The following XRCC4 variants were observed in gnomAD, a reference collection of about 807,000 sequenced individuals.
The protein encoded by XRCC4 is DNA repair protein XRCC4.
A neutral mutation model predicts 39.1 loss-of-function variants in XRCC4; 28 were observed. The observed-to-expected ratio is 0.72, with a 90% confidence interval of 0.53 to 0.98. The LOEUF is 0.98. Among genes scored for constraint, XRCC4 ranks in the 50% least tolerant of loss-of-function variants. The pLI is 0.00. For synonymous variants in XRCC4, 123 were observed against 126.4 expected (o/e 0.97, Z 0.18); for missense variants, 350 against 376.4 (o/e 0.93, Z 0.58).
At chr5:83,275,201 T>G (rs1754281747) in intron 7 of XRCC4, among the ~76,000 whole-genome samples, 1 of 152,006 alleles carries the variant, frequency 6.6e-6, no homozygotes, top group Non-Finnish European at 1.5e-5. Context: ...CTTGAAAAAC[T>G]GGGTAAATGG....
At chr5:83,229,659 C>CTTT (rs61356475) in intron 6 of XRCC4, among the ~76,000 whole-genome samples, 2,606 of 103,606 alleles carry the variant, frequency 0.025, 200 homozygotes, top group African/African-American at 0.086. Context: ...AATGTTTAAA[C>CTTT]TTTTTTTTTT....
chr5:83,088,514 A>G (rs193169487), intron 1 of XRCC4, among the ~76,000 whole-genome samples: 1 of 146,618 alleles, frequency 6.8e-6, no homozygotes. Flanking sequence ...TTTTTAAAAC[A>G]TATTAAGTGA....
At chr5:83,181,608 A>G (rs1241874852) in intron 3 of XRCC4, among the ~76,000 whole-genome samples, 1 of 152,190 alleles carries the variant, frequency 6.6e-6, no homozygotes, top group Non-Finnish European at 1.5e-5. Context: ...TCAATCAGGA[A>G]ACTAAACCAG....
downstream of XRCC4, among the ~76,000 whole-genome samples, chr5:83,357,783 A>G (rs1325464022): frequency 2.0e-5 from 3 of 152,180 alleles, no homozygotes; most frequent in African/African-American, 7.2e-5. Flanking sequence ...GAAATTGGAA[A>G]GGAAAGCCAA....
At chr5:83,326,216 A>G (rs748898756) in intron 7 of XRCC4, among the ~76,000 whole-genome samples, 1 of 152,044 alleles carries the variant, frequency 6.6e-6, no homozygotes, top group Non-Finnish European at 1.5e-5. Context: ...TGCTAACTCC[A>G]ACGATAGTTT....
downstream of XRCC4, among the ~76,000 whole-genome samples, chr5:83,355,778 A>C (rs1757183256): frequency 6.6e-6 from 1 of 152,152 alleles, no homozygotes. Context: ...TAGTTTTTAC[A>C]GGCATGTGCC....
At chr5:83,363,346 A>G in the XRCC4 span, among the ~76,000 whole-genome samples, 8 of 152,076 alleles carry the variant, frequency 5.3e-5, no homozygotes, top group Non-Finnish European at 1.2e-4. Flanking sequence ...GCTACCCACT[A>G]AGAGTCTTGA....
intron 7 of XRCC4, among the ~76,000 whole-genome samples, chr5:83,263,000 C>G: frequency 7.7e-6 from 1 of 130,068 alleles, no homozygotes; most frequent in Non-Finnish European, 1.6e-5. Flanking sequence ...CCCCCTCCCC[C>G]CACCCCACCA....
At chr5:83,242,952 C>G (rs1752969217) in intron 6 of XRCC4, among the ~76,000 whole-genome samples, 1 of 152,192 alleles carries the variant, frequency 6.6e-6, no homozygotes, top group Non-Finnish European at 1.5e-5. Flanking sequence ...AACCAGGTAT[C>G]ATATATAACC....
At chr5:83,337,331 A>G (rs1756624234) in intron 7 of XRCC4, among the ~76,000 whole-genome samples, 1 of 152,172 alleles carries the variant, frequency 6.6e-6, no homozygotes, top group Non-Finnish European at 1.5e-5. Context: ...CCTTCCATTG[A>G]GAGGTAGTTT....
At chr5:83,133,243 T>C (rs115452880) in intron 3 of XRCC4, among the ~76,000 whole-genome samples, 61 of 152,278 alleles carry the variant, frequency 4.0e-4, no homozygotes, top group Non-Finnish European at 7.8e-4. Flanking sequence ...TGATGCTTCT[T>C]CTGGAAGCTT....
At chr5:83,099,920 C>A (rs10074618) in intron 1 of XRCC4, among the ~76,000 whole-genome samples, 3 of 152,048 alleles carry the variant, frequency 2.0e-5, no homozygotes, top group African/African-American at 7.2e-5. Context: ...TTCATTTGCT[C>A]TTACTGAATC....
intron 4 of XRCC4, among the ~76,000 whole-genome samples, chr5:83,200,981 A>G (rs1364916793): frequency 3.9e-5 from 6 of 152,124 alleles, no homozygotes; most frequent in Non-Finnish European, 7.4e-5. Flanking sequence ...GTTTTTTTCT[A>G]ACATCTTTCG....
chr5:83,098,271 T>C (rs1458488895), intron 1 of XRCC4, among the ~76,000 whole-genome samples: 2 of 152,158 alleles, frequency 1.3e-5, no homozygotes, highest in African/African-American at 2.4e-5. Context: ...ATTAATTTAA[T>C]GTCTCCCTTA....
At chr5:83,129,328 G>T (rs1747440088) in intron 3 of XRCC4, among the ~76,000 whole-genome samples, 3 of 151,518 alleles carry the variant, frequency 2.0e-5, no homozygotes, top group Admixed American at 1.3e-4. Flanking sequence ...CTGTTCCATT[G>T]GTCTATACCT....
chr5:83,086,789 T>C (rs916310332), intron 1 of XRCC4, among the ~76,000 whole-genome samples: 1 of 152,180 alleles, frequency 6.6e-6, no homozygotes, highest in African/African-American at 2.4e-5. Flanking sequence ...GTTTTTTTTT[T>C]CAAAAACAGT....
chr5:83,364,936 T>C, the XRCC4 span, among the ~76,000 whole-genome samples: 1 of 152,180 alleles, frequency 6.6e-6, no homozygotes, highest in Admixed American at 6.6e-5. Flanking sequence ...CCCAGGAGTA[T>C]AAGTTTAGAA....
At chr5:83,167,580 G>A (rs1452149055) in intron 3 of XRCC4, among the ~76,000 whole-genome samples, 4 of 152,150 alleles carry the variant, frequency 2.6e-5, no homozygotes, top group African/African-American at 9.7e-5. Flanking sequence ...CTTGGGCTTG[G>A]GTTTTAATGC....
chr5:83,355,085 C>G (rs1323227262), downstream of XRCC4, among the ~76,000 whole-genome samples: 1 of 152,182 alleles, frequency 6.6e-6, no homozygotes, highest in East Asian at 1.9e-4. Context: ...CCACCCCTCT[C>G]TCTTTACTCC....
Sources: gnomAD v4.1 joint callset for allele counts (sites outside exome capture counted in the v4.1 genomes callset) on GRCh38, gnomAD v4.1.1 for gene constraint, MANE v1.5 for transcripts, NCBI Gene and HGNC (gene_info 2026-07-23, HGNC 2026-07-21) for gene names.